The following RUNX1 variants were observed in gnomAD, a reference collection of about 807,000 sequenced individuals.
The protein encoded by RUNX1 is RUNX family transcription factor 1, also known as runt-related transcription factor 1.
In RUNX1, 19 loss-of-function variants were observed where a neutral mutation model predicts 42.8. The observed-to-expected ratio is 0.44, with a 90% CI of 0.31 to 0.65. The LOEUF is 0.65. Among genes scored for constraint, RUNX1 ranks in the 30% least tolerant of loss-of-function variants. The pLI is 0.07. For synonymous variants in RUNX1, 271 were observed against 289.4 expected, an observed-to-expected ratio of 0.94 and a Z score of 0.64; for missense variants, 528 against 672.0, an observed-to-expected ratio of 0.79 and a Z score of 2.37.
Position 34,809,801 on chromosome 21 carries a change from T to C in RUNX1, c.806-10339A>G, listed in dbSNP as rs182185059. Among the ~76,000 whole-genome samples, 20 of 152,214 alleles carry C rather than the reference T, an allele frequency of 1.3e-4. No individual in the cohort carries two copies. The East Asian group carries it at 3.7e-3, about 28-fold the overall frequency. On this transcript the variant is annotated intron_variant, in intron 7 of 8. Coordinates refer to ENST00000675419, the MANE Select transcript of RUNX1 (RefSeq NM_001754.5). ...CATGGCTGAGATTTGCCAGGGTCCA[T>C]GTAATGCCTTAGGGTGTCAGCACGC...
chr21:34,978,937 T>TACACACACACACACACACACAC lies in RUNX1; in HGVS notation c.58+69883_58+69904dup, dbSNP rs10673190. ...TTCTCAGACAAAACACACACACAGATACACACACACACACACACACACACA... is the reference window on the plus strand; with the variant it reads ...TTCTCAGACAAAACACACACACAGATACACACACACACACACACACACACACACACACACACACACACACACA... On this transcript the variant is annotated intron_variant, in intron 2 of 8. Transcript: ENST00000675419. Among the ~76,000 whole-genome samples, 207 of 134,142 alleles carry TACACACACACACACACACACAC rather than the reference T, an allele frequency of 1.5e-3. 5 individuals carry two copies. Among genetic ancestry groups the TACACACACACACACACACACAC allele is most frequent in the African/African-American group, 2.0e-3 (70 of 34,928 alleles). 88.0% of individuals were successfully genotyped at this position (134,142 alleles called of 152,430 possible).
rs1052554348 is a variant in RUNX1, at chr21:34,790,403, G to A, written c.*1732C>T. 2 of 233,648 alleles carry A rather than the reference G, an allele frequency of 8.6e-6. No homozygotes were observed. The highest frequency in any genetic ancestry group is 8.5e-6 in the Non-Finnish European group (1 of 118,018). The allele number at this position is 233,648 out of a possible 1,614,324, so 14.5% of individuals were successfully genotyped here. ...AGAGTTGACCTGAAATCGTTTCAAC[G>A]AATTTTAAGAGGTACGTTAAATAAC... On this transcript the variant is annotated 3_prime_UTR_variant, in exon 9 of 9. Coordinates refer to ENST00000675419, the MANE Select transcript of RUNX1 (RefSeq NM_001754.5).
chr21:35,042,630 G>T (rs1407450499), intron 2 of RUNX1, among the ~76,000 whole-genome samples: 2 of 152,210 alleles, frequency 1.3e-5, no homozygotes, highest in African/African-American at 4.8e-5. Flanking sequence ...ACAAGAAGGG[G>T]TTGAGGCCTC....
intron 7 of RUNX1, among the ~76,000 whole-genome samples, chr21:34,830,423 G>C (rs1343086176): frequency 1.3e-5 from 2 of 152,132 alleles, no homozygotes; most frequent in Non-Finnish European, 2.9e-5. Context: ...CACACAGCCT[G>C]GCCCCAAAAT....
chr21:34,874,610 C>CAAAAAAAAAAAAA (rs59950735), intron 5 of RUNX1, among the ~76,000 whole-genome samples: 3 of 25,300 alleles, frequency 1.2e-4, no homozygotes, highest in East Asian at 1.3e-3. Flanking sequence ...AACTCTGTCT[C>CAAAAAAAAAAAAA]AAAAAAAAAA....
At chr21:34,887,558 G>A in intron 3 of RUNX1, 1 of 1,126,904 alleles carries the variant, frequency 8.9e-7, no homozygotes, top group Non-Finnish European at 1.1e-6. Flanking sequence ...GTTTTTTGCA[G>A]GTGAGTTTTG....
At chr21:34,876,074 G>A (rs1362127226) in intron 5 of RUNX1, among the ~76,000 whole-genome samples, 1 of 152,206 alleles carries the variant, frequency 6.6e-6, no homozygotes, top group Non-Finnish European at 1.5e-5. Context: ...GGAGGTCAAT[G>A]TAAACACAAA....
intron 2 of RUNX1, among the ~76,000 whole-genome samples, chr21:35,047,584 C>A (rs2059409145): frequency 6.6e-6 from 1 of 150,926 alleles, no homozygotes; most frequent in Non-Finnish European, 1.5e-5. Flanking sequence ...CTCTCTCTCT[C>A]TCTCTCTCTC....
intron 2 of RUNX1, among the ~76,000 whole-genome samples, chr21:35,025,167 C>T (rs1280873820): frequency 6.6e-6 from 1 of 152,160 alleles, no homozygotes; most frequent in East Asian, 1.9e-4. Flanking sequence ...AAATATATGG[C>T]TAAAATGAGG....
rs1601537090 is a variant in RUNX1, at chr21:34,890,093, T to C, written c.97+2832A>G. 3.3e-5 allele frequency among the ~76,000 whole-genome samples: 5 copies of C among 152,132 alleles called. No individual in the cohort carries two copies. The South Asian group carries it at 1.0e-3, about 31-fold the overall frequency. On this transcript the variant is annotated intron_variant, in intron 3 of 8. Coordinates refer to ENST00000675419, the MANE Select transcript of RUNX1 (RefSeq NM_001754.5). ...GCCGCGCAGGGACTGTCCCCGGGCG[T>C]TGCCGCGGGCCCGGACGCAGGAGGG... is the stretch of plus-strand genomic sequence containing the variant.
At chr21:34,910,367 G>C (rs1601560120) in intron 2 of RUNX1, among the ~76,000 whole-genome samples, 1 of 151,718 alleles carries the variant, frequency 6.6e-6, no homozygotes, top group African/African-American at 2.4e-5. Context: ...CAGCAATGAA[G>C]ATAATTTTCA....
At chr21:34,992,006 G>A (rs61006454) in intron 2 of RUNX1, among the ~76,000 whole-genome samples, 25,392 of 152,216 alleles carry the variant, frequency 0.17, 2,374 homozygotes, top group Admixed American at 0.24. Flanking sequence ...GCCTGCACAG[G>A]GAGCAAGGGC....
chr21:35,021,882 CTCTCA>C (rs1330997970), intron 2 of RUNX1, among the ~76,000 whole-genome samples: 1 of 152,152 alleles, frequency 6.6e-6, no homozygotes, highest in Non-Finnish European at 1.5e-5. Flanking sequence ...TGTGCCTCTC[CTCTCA>C]TAAGGCGGAA....
chr21:34,931,385 A>ACG (rs1471967522), intron 2 of RUNX1, among the ~76,000 whole-genome samples: 37 of 146,632 alleles, frequency 2.5e-4, no homozygotes, highest in East Asian at 1.4e-3. Flanking sequence ...TAATATATAC[A>ACG]TGTATATAAT....
intron 2 of RUNX1, among the ~76,000 whole-genome samples, chr21:34,965,215 C>T (rs2058710453): frequency 6.6e-6 from 1 of 152,114 alleles, no homozygotes; most frequent in Non-Finnish European, 1.5e-5. Flanking sequence ...CACACACAGC[C>T]TCACACACAT....
At chr21:34,846,852 A>T (rs2057324846) in intron 6 of RUNX1, among the ~76,000 whole-genome samples, 1 of 152,228 alleles carries the variant, frequency 6.6e-6, no homozygotes, top group Admixed American at 6.5e-5. Flanking sequence ...TGCTCCCGGC[A>T]GCATGTCAGC....
chr21:34,905,735 A>G (rs1191358740), intron 2 of RUNX1, among the ~76,000 whole-genome samples: 2 of 152,236 alleles, frequency 1.3e-5, no homozygotes, highest in Non-Finnish European at 2.9e-5. Context: ...GGATACAACA[A>G]AAGTTAATAC....
At chr21:34,853,684 G>C (rs866754501) in intron 6 of RUNX1, among the ~76,000 whole-genome samples, 1 of 152,140 alleles carries the variant, frequency 6.6e-6, no homozygotes, top group African/African-American at 2.4e-5. Flanking sequence ...CTATTATCGA[G>C]TATTTTTATG....
At chr21:34,820,504 A>G (rs570982546) in intron 7 of RUNX1, among the ~76,000 whole-genome samples, 90 of 151,866 alleles carry the variant, frequency 5.9e-4, no homozygotes, top group African/African-American at 2.0e-3. Flanking sequence ...ACAAATATAT[A>G]TATTAGCTGG....
Sources: allele counts gnomAD v4.1 joint callset (sites outside exome capture counted in the v4.1 genomes callset), GRCh38; gene constraint gnomAD v4.1.1; transcripts MANE v1.5; gene names NCBI Gene and HGNC (gene_info 2026-07-23, HGNC 2026-07-21).